Variants in FAM227B observed in about 807,000 individuals in gnomAD.
FAM227B encodes the protein family with sequence similarity 227 member B.
FAM227B carries 88 observed loss-of-function variants against 73.8 expected under a neutral mutation model. The ratio of observed to expected loss-of-function variants is 1.19; its 90% CI spans 1.00 to 1.42. The LOEUF (loss-of-function observed/expected upper bound fraction) is 1.42, where lower values mean the gene tolerates loss of function less well. Among genes scored for constraint, FAM227B ranks in the 40% most tolerant of loss-of-function variants. The pLI is 0.00. For missense variants in FAM227B, 632 were observed against 590.9 expected (o/e 1.07, Z -0.72); for synonymous variants, 210 against 190.5 (o/e 1.10, Z -0.84).
At chr15:49,560,724 C>T (rs553480858) in intron 9 of FAM227B, among the ~76,000 whole-genome samples, 1 of 152,244 alleles carries the variant, frequency 6.6e-6, no homozygotes, top group African/African-American at 2.4e-5. Flanking sequence ...GGTCTATTTT[C>T]AGCACTGTCA....
intron 13 of FAM227B, chr15:49,353,709 G>A (rs1329832949): frequency 6.6e-6 from 1 of 151,198 alleles, no homozygotes; most frequent in Non-Finnish European, 1.5e-5. Context: ...ATTTTAGAAG[G>A]ACTGAGGGAA....
In FAM227B at chr15:49,435,724, G is replaced by T. The variant is rs147814254; in HGVS notation, c.1013-64325C>A. On this transcript the variant is annotated intron_variant, in intron 11 of 15. Coordinates refer to ENST00000299338, the MANE Select transcript of FAM227B (RefSeq NM_152647.3). ...ATGAGCATAAATCTATATCATAGTT[G>T]CTATGTTGTAATTTAAAATTTATGA... 4.0e-3 allele frequency among the ~76,000 whole-genome samples: 609 copies of T among 151,534 alleles called. 8 individuals are homozygous for T. Among genetic ancestry groups the T allele is most frequent in the Admixed American group, 6.3e-3 (96 of 15,170 alleles).
intron 10 of FAM227B, among the ~76,000 whole-genome samples, chr15:49,525,172 TTGAATTCCCACA>T (rs1350364760): frequency 6.6e-6 from 1 of 151,980 alleles, no homozygotes; most frequent in East Asian, 1.9e-4. Context: ...AAATCTCATC[TTGAATTCCCACA>T]TGTTATGGGA....
At chr15:49,569,719 A>T (rs1381594704) in intron 8 of FAM227B, among the ~76,000 whole-genome samples, 1 of 151,964 alleles carries the variant, frequency 6.6e-6, no homozygotes, top group African/African-American at 2.4e-5. Context: ...TGTGCTATGG[A>T]TCTCAAAAAG....
chr15:49,506,889 G>C lies in FAM227B; in HGVS notation c.1012+1322C>G, dbSNP rs113571016. ...AAGAACAAGCAAAATATAAATAATT[G>C]GTAGGTAAAGGATATATGGGAGTTG... is the stretch of plus-strand genomic sequence containing the variant. On this transcript the variant is annotated intron_variant, in intron 11 of 15. Transcript: ENST00000299338. 6.0e-3 allele frequency among the ~76,000 whole-genome samples: 918 copies of C among 151,996 alleles called. 6 individuals carry two copies. The highest frequency in any genetic ancestry group is 0.024 in the Middle Eastern group (7 of 292).
intron 11 of FAM227B, among the ~76,000 whole-genome samples, chr15:49,499,260 C>T (rs2057932094): frequency 6.6e-6 from 1 of 150,462 alleles, no homozygotes; most frequent in Admixed American, 6.6e-5. Flanking sequence ...TATACATGCA[C>T]CCAACAAAAA....
chr15:49,446,680 T>C (rs925705664), intron 11 of FAM227B, among the ~76,000 whole-genome samples: 38 of 151,662 alleles, frequency 2.5e-4, no homozygotes, highest in South Asian at 4.2e-4. Context: ...CTGTCCTGTC[T>C]AGCTGGAGAA....
intron 11 of FAM227B, among the ~76,000 whole-genome samples, chr15:49,414,615 T>C (rs1392271395): frequency 6.6e-6 from 1 of 152,094 alleles, no homozygotes; most frequent in Non-Finnish European, 1.5e-5. Flanking sequence ...ATTAATCTCA[T>C]AACAACATTT....
chr15:49,346,640 T>C (rs1346191111), intron 13 of FAM227B, among the ~76,000 whole-genome samples: 1 of 152,180 alleles, frequency 6.6e-6, no homozygotes, highest in Non-Finnish European at 1.5e-5. Context: ...CTTTGCTGTC[T>C]ATCTTGTATC....
rs529039841 is a variant in FAM227B at position 49,403,597 on chromosome 15, TA to T, written c.1013-32199del. 1.2e-3 allele frequency among the ~76,000 whole-genome samples: 190 copies of T among 152,300 alleles called. 1 individual carries two copies. Among genetic ancestry groups the T allele is most frequent in the African/African-American group, 4.3e-3 (178 of 41,562 alleles). On this transcript the variant is annotated intron_variant, in intron 11 of 15. Transcript: ENST00000299338. Reference sequence around the variant, plus strand: ...GATGGTTGTTTGTATTTCTGTGAGCTAGGGGTAATATCCCCTTTGTCTTTTG... The same window carrying T: ...GATGGTTGTTTGTATTTCTGTGAGCTGGGGTAATATCCCCTTTGTCTTTTG...
chr15:49,512,905 T>C (rs903374392), intron 10 of FAM227B, among the ~76,000 whole-genome samples: 2 of 152,174 alleles, frequency 1.3e-5, no homozygotes, highest in African/African-American at 4.8e-5. Context: ...TCTAGCTTCA[T>C]CCATGTCCCT....
At chr15:49,504,809 T>C (rs759539394) in intron 11 of FAM227B, among the ~76,000 whole-genome samples, 9 of 152,168 alleles carry the variant, frequency 5.9e-5, no homozygotes, top group Non-Finnish European at 7.4e-5. Flanking sequence ...TTTCCTAAAT[T>C]ACCCAGGTTC....
At chr15:49,515,710 A>G (rs2059331777) in intron 10 of FAM227B, among the ~76,000 whole-genome samples, 1 of 152,118 alleles carries the variant, frequency 6.6e-6, no homozygotes, top group Non-Finnish European at 1.5e-5. Context: ...ATATGCTTCA[A>G]ATTCCTCTTA....
chr15:49,562,721 C>T (rs2074354687), intron 9 of FAM227B, among the ~76,000 whole-genome samples: 1 of 152,042 alleles, frequency 6.6e-6, no homozygotes. Flanking sequence ...AAATGTGGTT[C>T]ACCACATAAA....
intron 11 of FAM227B, among the ~76,000 whole-genome samples, chr15:49,474,329 C>T (rs1192782313): frequency 6.6e-6 from 1 of 152,156 alleles, no homozygotes; most frequent in Non-Finnish European, 1.5e-5. Flanking sequence ...ATGTCTTCAC[C>T]TCTTTCAAGG....
At chr15:49,603,868 T>C (rs2077353650) in intron 3 of FAM227B, among the ~76,000 whole-genome samples, 1 of 152,198 alleles carries the variant, frequency 6.6e-6, no homozygotes, top group Non-Finnish European at 1.5e-5. Context: ...CTTGAAGGAA[T>C]GTTGGATTTT....
chr15:49,619,719 CT>C (rs1381243001), intron 1 of FAM227B, among the ~76,000 whole-genome samples: 2 of 152,194 alleles, frequency 1.3e-5, no homozygotes, highest in African/African-American at 2.4e-5. Context: ...AATTTAACTA[CT>C]TTGATAAAAT....
chr15:49,525,377 G>A (rs1027488210), intron 10 of FAM227B, among the ~76,000 whole-genome samples: 1 of 151,992 alleles, frequency 6.6e-6, no homozygotes, highest in Non-Finnish European at 1.5e-5. Flanking sequence ...TGCCATGATT[G>A]TGAGGCCTCC....
chr15:49,541,341 G>A (rs918995800), intron 10 of FAM227B, among the ~76,000 whole-genome samples: 4 of 151,702 alleles, frequency 2.6e-5, no homozygotes, highest in East Asian at 1.9e-4. Context: ...AATATTATTC[G>A]CTAATTAAAT....
Sources: allele counts gnomAD v4.1 joint callset (sites outside exome capture counted in the v4.1 genomes callset), GRCh38; gene constraint gnomAD v4.1.1; transcripts MANE v1.5; gene names NCBI Gene and HGNC (gene_info 2026-07-23, HGNC 2026-07-21).